The following SWAP70 variants were observed in gnomAD, a reference collection of about 807,000 sequenced individuals.
SWAP70 encodes the protein switching B cell complex subunit SWAP70.
In SWAP70, 34 loss-of-function variants were observed where a neutral mutation model predicts 80.2. The ratio of observed to expected loss-of-function variants is 0.42; its 90% CI spans 0.32 to 0.56. The LOEUF is 0.56. Ranked by LOEUF, SWAP70 falls within the 20% of genes least tolerant of loss-of-function variation. The pLI, the probability that SWAP70 is intolerant of heterozygous loss-of-function variation, is 0.09. For synonymous variants in SWAP70, 239 were observed against 238.5 expected (o/e 1.00, Z -0.02); for missense variants, 578 against 690.7 (o/e 0.84, Z 1.83).
chr11:9,708,822 G>A (rs991620626), intron 2 of SWAP70, among the ~76,000 whole-genome samples: 4 of 152,198 alleles, frequency 2.6e-5, no homozygotes, highest in East Asian at 3.9e-4. Context: ...TGCATAGATG[G>A]CATTCATCCC....
At chr11:9,747,691 C>G (rs899503780) in intron 9 of SWAP70, among the ~76,000 whole-genome samples, 167 bp from the exon 10 acceptor site, 1 of 152,218 alleles carries the variant, frequency 6.6e-6, no homozygotes, top group African/African-American at 2.4e-5. Flanking sequence ...GGCTGCTTTA[C>G]CAGCTTTGTG....
chr11:9,675,716 TCTCCTTCCTTC>T (rs1850490552), intron 1 of SWAP70, among the ~76,000 whole-genome samples: 1 of 18,788 alleles, frequency 5.3e-5, no homozygotes, highest in African/African-American at 1.4e-4. Context: ...TGATTTTTTT[TCTCCTTCCTTC>T]TCCTGCATTC....
chr11:9,749,121 A>G lies in SWAP70; in HGVS notation c.1589A>G (p.Lys530Arg). 6.2e-7 allele frequency: 1 copy of G among 1,613,302 alleles called. No individual in the cohort carries two copies. Among genetic ancestry groups the G allele is most frequent in the Non-Finnish European group, 8.5e-7 (1 of 1,179,494 alleles). The change falls in exon 11 of 12, where the codon AAG (lysine) becomes AGG (arginine). Residue 530 changes from lysine (K) to arginine (R), a missense_variant. Coordinates refer to ENST00000318950, the MANE Select transcript of SWAP70 (RefSeq NM_015055.4). ...AAGAAGCTGGAGATGGCAACTAATA[A>G]GACCAAGAGCTGGAAGGACAAAGTG... The part of the protein sequence containing the change: ...VKKKLEMATN[K>R]TKSWKDKVAH...
chr11:9,722,474 T>G (rs748557778), intron 3 of SWAP70, among the ~76,000 whole-genome samples: 2 of 152,236 alleles, frequency 1.3e-5, no homozygotes, highest in African/African-American at 2.4e-5. Flanking sequence ...AAAACTTTAG[T>G]GTGCAAATGG....
chr11:9,716,117 G>T (rs944345000), intron 3 of SWAP70, among the ~76,000 whole-genome samples: 1 of 152,224 alleles, frequency 6.6e-6, no homozygotes, highest in Non-Finnish European at 1.5e-5. Flanking sequence ...TGGCTGTGAA[G>T]AAGATAGGCG....
chr11:9,727,907 A>T, intron 4 of SWAP70, 146 bp from the exon 5 acceptor site: 1 of 825,512 alleles, frequency 1.2e-6, no homozygotes, highest in Non-Finnish European at 1.8e-6. Flanking sequence ...GCCCCTCCAT[A>T]GATTCTCAGA....
In SWAP70 at chr11:9,675,396, A is replaced by C. The variant is rs1280274001; in HGVS notation, c.99+11118A>C. On this transcript the variant is annotated intron_variant, in intron 1 of 11. Coordinates refer to ENST00000318950, the MANE Select transcript of SWAP70 (RefSeq NM_015055.4). Reference sequence around the variant, plus strand: ...GAGAGAGAGAGAGAGAGAGAGAGAGAGAGAGAGAGAGAGAGAGAGAGAGAG... The same window carrying C: ...GAGAGAGAGAGAGAGAGAGAGAGAGCGAGAGAGAGAGAGAGAGAGAGAGAG... Among the ~76,000 whole-genome samples the C allele has an allele frequency of 4.5e-5, 5 of 110,976 alleles. 1 individual carries two copies. The highest frequency in any genetic ancestry group is 7.4e-5 in the Non-Finnish European group (4 of 54,340). The allele number at this position is 110,976 out of a possible 152,430, so 72.8% of individuals were successfully genotyped here. A position where few individuals can be genotyped will look rare whatever the true frequency, so the allele number is the denominator to read the frequency against.
At chr11:9,672,102 T>TAATATAATATAATTTAAATGTAATTTA (rs1850421389) in intron 1 of SWAP70, among the ~76,000 whole-genome samples, 1 of 129,198 alleles carries the variant, frequency 7.7e-6, no homozygotes, top group African/African-American at 2.9e-5. Context: ...AATATAATTA[T>TAATATAATATAATTTAAATGTAATTTA]AATATAATAT....
intron 2 of SWAP70, among the ~76,000 whole-genome samples, chr11:9,706,758 C>A (rs1368924010): frequency 6.6e-6 from 1 of 151,938 alleles, no homozygotes; most frequent in Non-Finnish European, 1.5e-5. Flanking sequence ...TTATATAATT[C>A]TTCGTGTTGT....
intron 7 of SWAP70, 90 bp downstream of exon 7, chr11:9,732,800 G>A: frequency 7.9e-7 from 1 of 1,261,782 alleles, no homozygotes. Flanking sequence ...CTACCAAGAT[G>A]AATGTAGTGC....
chr11:9,688,489 C>T (rs190697132), intron 1 of SWAP70, among the ~76,000 whole-genome samples: 1 of 152,096 alleles, frequency 6.6e-6, no homozygotes, highest in Non-Finnish European at 1.5e-5. Context: ...GCCTGGGATG[C>T]AGTTAGTAAG....
chr11:9,726,887 G>C (rs1851231875), intron 4 of SWAP70: 1 of 456,112 alleles, frequency 2.2e-6, no homozygotes, highest in African/African-American at 2.0e-5. Context: ...TTGAACTCCT[G>C]GTGCAGTATT....
chr11:9,747,498 C>T (rs1216809460), intron 9 of SWAP70, among the ~76,000 whole-genome samples: 2 of 152,210 alleles, frequency 1.3e-5, no homozygotes, highest in Admixed American at 6.5e-5. Context: ...GCCACTGAAC[C>T]TTTGTGTCTC....
intron 3 of SWAP70, chr11:9,720,364 A>G: frequency 3.0e-6 from 3 of 985,462 alleles, no homozygotes; most frequent in Non-Finnish European, 3.6e-6. Flanking sequence ...TGAACCTGGC[A>G]AGCTACTTCT....
intron 1 of SWAP70, among the ~76,000 whole-genome samples, chr11:9,671,762 A>ATATTTCTATG (rs1850408740): frequency 3.6e-4 from 3 of 8,350 alleles, no homozygotes; most frequent in Non-Finnish European, 6.9e-4. Flanking sequence ...ATATATAAAT[A>ATATTTCTATG]TATAATATAA....
chr11:9,682,976 A>G (rs1394547445), intron 1 of SWAP70, among the ~76,000 whole-genome samples: 1 of 152,246 alleles, frequency 6.6e-6, no homozygotes, highest in Non-Finnish European at 1.5e-5. Flanking sequence ...GTGCCTGGTC[A>G]AAAGCACTTT....
intron 1 of SWAP70, among the ~76,000 whole-genome samples, chr11:9,692,499 C>A (rs2134446081): frequency 6.6e-6 from 1 of 151,920 alleles, no homozygotes; most frequent in East Asian, 1.9e-4. Context: ...CTTTTCATAT[C>A]CGTACATAGC....
intron 2 of SWAP70, among the ~76,000 whole-genome samples, chr11:9,712,202 G>A (rs116931528): frequency 6.6e-6 from 1 of 152,182 alleles, no homozygotes; most frequent in Non-Finnish European, 1.5e-5. Context: ...CATTCCTTGG[G>A]AACATAGGCC....
intron 1 of SWAP70, among the ~76,000 whole-genome samples, chr11:9,671,809 T>G (rs190504217): frequency 1.1e-5 from 1 of 87,874 alleles, no homozygotes; most frequent in Non-Finnish European, 2.0e-5. Context: ...TATATAAATA[T>G]AAATATATAA....
Sources: gnomAD v4.1 joint callset for allele counts (sites outside exome capture counted in the v4.1 genomes callset) on GRCh38, gnomAD v4.1.1 for gene constraint, MANE v1.5 for transcripts, NCBI Gene and HGNC (gene_info 2026-07-23, HGNC 2026-07-21) for gene names.